Variants in RABAC1 observed in about 807,000 individuals in gnomAD.
The protein encoded by RABAC1 is Rab acceptor 1, also known as prenylated Rab acceptor protein 1.
Under a neutral mutation model 22.9 loss-of-function variants are expected in RABAC1, and 16 were observed. That is an observed-to-expected ratio of 0.70 (90% confidence interval 0.47 to 1.06). The LOEUF is 1.06. Among genes scored for constraint, RABAC1 ranks in the 50% least tolerant of loss-of-function variants. The probability of loss-of-function intolerance (pLI) is 0.00; values close to 1 mark genes in which losing one functional copy is unlikely to be tolerated. For synonymous variants in RABAC1, 139 were observed against 107.7 expected (o/e 1.29, Z -1.80); for missense variants, 227 against 246.5 (o/e 0.92, Z 0.53).
Position 41,957,046 on chromosome 19 carries a change from A to T in RABAC1, c.441T>A (p.Gly147=). ...GCACCCAGAAGACGGCCGAGCCCGCACCAGCCAGCCAGAAGAAGGGGAAGG... is the reference window on the plus strand; with the variant it reads ...GCACCCAGAAGACGGCCGAGCCCGCTCCAGCCAGCCAGAAGAAGGGGAAGG... ...GISFPFFWLA[G]AGSAVFWVLG... The change falls in exon 4 of 5, where the codon GGT becomes GGA. Residue 147 remains glycine (G), a synonymous_variant. Coordinates refer to ENST00000222008, the MANE Select transcript of RABAC1 (RefSeq NM_006423.3). The T allele has an allele frequency of 6.2e-7, 1 of 1,613,756 alleles. No homozygotes were observed. Among genetic ancestry groups the T allele is most frequent in the African/African-American group, 1.3e-5 (1 of 75,030 alleles).
At position 41,956,767 on chromosome 19, in the gene RABAC1, AG is replaced by A. The variant is rs1469647574; in HGVS notation, c.*78del. 3.3e-5 allele frequency: 44 copies of A among 1,341,630 alleles called. No homozygotes were observed. Among genetic ancestry groups the A allele is most frequent in the African/African-American group, 4.4e-5 (3 of 68,236 alleles). 83.1% of individuals were successfully genotyped at this position (1,341,630 alleles called of 1,614,324 possible). A position where few individuals can be genotyped will look rare whatever the true frequency, so the allele number is the denominator to read the frequency against. ...GTGATGGGACGGCGCTGTGGGCCCG[AG>A]CAGCAGAGCCGTGCAGGACAGGCAT... On this transcript the variant is annotated 3_prime_UTR_variant, in exon 5 of 5. Transcript: ENST00000222008.
At position 41,956,856 on chromosome 19, in the gene RABAC1, T is replaced by A. The variant is rs1555856729; in HGVS notation, c.548A>T (p.Glu183Val). The A allele has an allele frequency of 1.2e-6, 2 of 1,610,910 alleles. No homozygotes were observed. The highest frequency in any genetic ancestry group is 1.7e-6 in the Non-Finnish European group (2 of 1,178,876). The change falls in exon 5 of 5, where the codon GAA becomes GTA. Residue 183 changes from glutamate to valine, a missense_variant. Physicochemically the swap from Glu to Val is moderately radical, Grantham distance 121. Transcript: ENST00000222008. The stretch of plus-strand genomic sequence containing the variant: ...GTCCCAGAAGACACCTCACACGGGT[T>A]CCATCTGCAGCTCCTCCCCGTCCAC... ...EAVDGEELQM[E>V]PV is the part of the protein sequence containing the mutation.
In RABAC1 at chr19:41,958,952, C is replaced by T; in HGVS notation, c.57-4G>A. ...AATCAGCTTCGGCAGCAGGGTCCTG[C>T]GGGGGGTGGGGCCGGGTCAGTGGTG... On this transcript the variant is annotated splice_region_variant and splice_polypyrimidine_tract_variant and intron_variant, in intron 1 of 4. Coordinates refer to ENST00000222008, the MANE Select transcript of RABAC1 (RefSeq NM_006423.3). The T allele has an allele frequency of 1.3e-6, 2 of 1,561,524 alleles. No homozygotes were observed. The highest frequency in any genetic ancestry group is 8.6e-7 in the Non-Finnish European group (1 of 1,158,230).
Position 41,958,038 on chromosome 19 carries a change from A to C in RABAC1, c.367+248T>G, listed in dbSNP as rs1032702969. On this transcript the variant is annotated intron_variant, in intron 3 of 4. Coordinates refer to ENST00000222008, the MANE Select transcript of RABAC1 (RefSeq NM_006423.3). The stretch of plus-strand genomic sequence containing the variant: ...GGAGTCATGTGGTTTGAAAAGGAGT[A>C]GGTTTAAGGCACAGCAGCCAGGTGG... The C allele has an allele frequency of 1.3e-5, 6 of 454,022 alleles. No homozygotes were observed. The Admixed American group carries it at 1.8e-4, about 13-fold the overall frequency. 28.1% of individuals were successfully genotyped at this position (454,022 alleles called of 1,614,324 possible).
intron 3 of RABAC1, chr19:41,957,362 T>C (rs1227905748): frequency 1.9e-6 from 1 of 519,442 alleles, no homozygotes; most frequent in Non-Finnish European, 3.5e-6. Context: ...CCCCACATCC[T>C]CCAGGAAGTT....
intron 3 of RABAC1, chr19:41,957,974 T>G: frequency 3.0e-6 from 1 of 328,328 alleles, no homozygotes; most frequent in Non-Finnish European, 5.9e-6. Flanking sequence ...GCAGCTGATG[T>G]TGGCCGCAGA....
At chr19:41,958,413 TAGAC>T in intron 2 of RABAC1, 30 bp from the exon 3 acceptor site, 1 of 1,595,398 alleles carries the variant, frequency 6.3e-7, no homozygotes, top group Non-Finnish European at 8.6e-7. Flanking sequence ...AGGCAGCGGT[TAGAC>T]AGCTGGGGCT....
At position 41,958,922 on chromosome 19, in the gene RABAC1, G is replaced by A. The variant is rs1480125975; in HGVS notation, c.83C>T (p.Ser28Phe). Residue 28 changes from serine (S) to phenylalanine (F), a missense_variant, in exon 2 of 5, where the codon TCC becomes TTC. Ser to Phe is a radical substitution (Grantham distance 155). Coordinates refer to ENST00000222008, the MANE Select transcript of RABAC1 (RefSeq NM_006423.3). The part of the protein sequence containing the change: ...GTTLLPKLIP[S>F]GAGREWLERR... ...CTCCAGCCACTCCCGGCCTGCACCG[G>A]AGGGAATCAGCTTCGGCAGCAGGGT... 6.3e-7 allele frequency: 1 copy of A among 1,588,458 alleles called. No individual in the cohort carries two copies. The highest frequency in any genetic ancestry group is 8.5e-7 in the Non-Finnish European group (1 of 1,171,768).
rs782621704 is a variant in RABAC1, at chr19:41,956,946, C to T, written c.470-12G>A. ...CACCAGGGTGGCTCCTGCAGGAAAGCCGGCAGCTCAGGGCCACACTCCTGC... is the reference window on the plus strand; with the variant it reads ...CACCAGGGTGGCTCCTGCAGGAAAGTCGGCAGCTCAGGGCCACACTCCTGC... On this transcript the variant is annotated splice_polypyrimidine_tract_variant and intron_variant, in intron 4 of 4. Transcript: ENST00000222008. The T allele has an allele frequency of 1.2e-6, 2 of 1,611,944 alleles. No individual in the cohort carries two copies. The highest frequency in any genetic ancestry group is 1.7e-6 in the Non-Finnish European group (2 of 1,178,814).
At chr19:41,958,622 G>C in intron 2 of RABAC1, 114 bp downstream of exon 2, 1 of 1,202,666 alleles carries the variant, frequency 8.3e-7, no homozygotes, top group Non-Finnish European at 1.2e-6. Context: ...GGTGAGAAGA[G>C]GGCCCTGGGC....
rs1555857369 is a variant in RABAC1, at chr19:41,959,236, C to T, written c.56+1G>A. On this transcript the variant is annotated splice_donor_variant, in intron 1 of 4. Transcript: ENST00000222008. LOFTEE classifies it high-confidence loss of function. The stretch of plus-strand genomic sequence containing the variant: ...CGAGGGCCTAGAGCCAGCTCGCTCA[C>T]GTGCCGCTCAGCCCTTCCGCCTCGG... 3 of 1,613,530 alleles carry T rather than the reference C, an allele frequency of 1.9e-6. No homozygotes were observed. The highest frequency in any genetic ancestry group is 2.5e-6 in the Non-Finnish European group (3 of 1,179,928).
intron 1 of RABAC1, 81 bp downstream of exon 1, chr19:41,959,154 GCT>G (rs1555857332): frequency 4.5e-6 from 7 of 1,571,092 alleles, no homozygotes; most frequent in Non-Finnish European, 5.2e-6. Flanking sequence ...GGGACTCCAG[GCT>G]CTCGAGGGAG....
rs781972114 is a variant in RABAC1, at chr19:41,958,295, C to T, written c.358G>A (p.Val120Met). The T allele has an allele frequency of 9.3e-6, 15 of 1,612,192 alleles. No homozygotes were observed. The highest frequency in any genetic ancestry group is 4.0e-5 in the African/African-American group (3 of 74,904). ...GCAGGGGGTTTCTCACCAAAGAGCA[C>T]AAGCTTGGACTCCAAGGTGCGCAGA... ...LYLRTLESKL[V>M]LFGREVSPAH... The change falls in exon 3 of 5, where the codon GTG becomes ATG. Residue 120 changes from valine to methionine, a missense_variant. By Grantham distance (21) the Val-to-Met change is conservative. Coordinates refer to ENST00000222008, the MANE Select transcript of RABAC1 (RefSeq NM_006423.3).
rs781880104 is a variant in RABAC1, at chr19:41,957,008, C to G, written c.469+10G>C. The G allele has an allele frequency of 1.2e-6, 2 of 1,613,634 alleles. No homozygotes were observed. ...ACCATCCACCCCAGCTGCTCAGACC[C>G]TGTACTCACCCAGCACCCAGAAGAC... On this transcript the variant is annotated intron_variant, in intron 4 of 4. Transcript: ENST00000222008.
At position 41,958,796 on chromosome 19, in the gene RABAC1, T is replaced by A. The variant is rs1555857133; in HGVS notation, c.209A>T (p.Asn70Ile). ...LGELCQRLVRNVEYYQSNYVF... is the reference protein window; with the variant it reads ...LGELCQRLVRIVEYYQSNYVF... Reference sequence around the variant, plus strand: ...ATAGTTGCTCTGGTAGTACTCCACGTTGCGTACGAGGCGCTGGCACAGCTC... The same window carrying A: ...ATAGTTGCTCTGGTAGTACTCCACGATGCGTACGAGGCGCTGGCACAGCTC... Residue 70 changes from asparagine to isoleucine, a missense_variant, in exon 2 of 5, where the codon AAC (asparagine) becomes ATC (isoleucine). By Grantham distance (149) the Asn-to-Ile change is moderately radical. Coordinates refer to ENST00000222008, the MANE Select transcript of RABAC1 (RefSeq NM_006423.3). The A allele has an allele frequency of 1.2e-6, 2 of 1,612,466 alleles. No homozygotes were observed. Among genetic ancestry groups the A allele is most frequent in the African/African-American group, 2.7e-5 (2 of 74,920 alleles).
At chr19:41,958,618 A>T in intron 2 of RABAC1, 118 bp downstream of exon 2, 1 of 1,177,636 alleles carries the variant, frequency 8.5e-7, no homozygotes, top group Non-Finnish European at 1.2e-6. Flanking sequence ...GGGCGGTGAG[A>T]AGAGGGCCCT....
chr19:41,958,477 A>C, intron 2 of RABAC1, 94 bp from the exon 3 acceptor site: 3 of 1,232,206 alleles, frequency 2.4e-6, no homozygotes, highest in Admixed American at 3.9e-5. Context: ...GGCAAGCTAC[A>C]TCCTGGAGAC....
At position 41,956,700 on chromosome 19, in the gene RABAC1, A is replaced by C. The variant is rs113381110; in HGVS notation, c.*146T>G. On this transcript the variant is annotated 3_prime_UTR_variant, in exon 5 of 5. Transcript: ENST00000222008. ...GGGGAATATTTCCTGAATGACACCCATAACAGCTTTATTTTCAAAGGCGGG... is the reference window on the plus strand; with the variant it reads ...GGGGAATATTTCCTGAATGACACCCCTAACAGCTTTATTTTCAAAGGCGGG... 7.3e-6 allele frequency: 5 copies of C among 686,714 alleles called. No individual in the cohort carries two copies. Among genetic ancestry groups the C allele is most frequent in the Non-Finnish European group, 1.2e-5 (5 of 408,528 alleles). The allele number at this position is 686,714 out of a possible 1,614,324, so 42.5% of individuals were successfully genotyped here. A position where few individuals can be genotyped will look rare whatever the true frequency, so the allele number is the denominator to read the frequency against.
In RABAC1 at chr19:41,958,911, G is replaced by T; in HGVS notation, c.94C>A (p.Arg32=). ...GCGCGGCGCCGCTCCAGCCACTCCC[G>T]GCCTGCACCGGAGGGAATCAGCTTC... ...LPKLIPSGAG[R]EWLERRRATI... The change falls in exon 2 of 5, where the codon CGG becomes AGG. Residue 32 remains arginine, a synonymous_variant. Transcript: ENST00000222008. The T allele has an allele frequency of 6.3e-7, 1 of 1,592,722 alleles. No homozygotes were observed. The highest frequency in any genetic ancestry group is 8.5e-7 in the Non-Finnish European group (1 of 1,173,700).
Sources: allele counts gnomAD v4.1 joint callset, GRCh38; gene constraint gnomAD v4.1.1; transcripts MANE v1.5; gene names NCBI Gene and HGNC (gene_info 2026-07-23, HGNC 2026-07-21).